RBFOX1: variants seen among roughly 807,000 people sequenced by gnomAD.
The protein encoded by RBFOX1 is RNA binding protein fox-1 homolog 1.
RBFOX1 carries 8 observed loss-of-function variants against 57.7 expected under a neutral mutation model. The observed-to-expected ratio is 0.14, with a 90% CI of 0.08 to 0.25. The LOEUF (loss-of-function observed/expected upper bound fraction) is 0.25, where lower values mean the gene tolerates loss of function less well. RBFOX1 is among the 10% of genes least tolerant of loss of function. The pLI is 1.00. For missense variants in RBFOX1, 611 were observed against 548.5 expected (o/e 1.11, Z -1.14); for synonymous variants, 326 against 222.4 (o/e 1.47, Z -4.15).
chr16:7,523,126 T>C (rs987048982), intron 5 of RBFOX1, among the ~76,000 whole-genome samples: 1 of 152,244 alleles, frequency 6.6e-6, no homozygotes, highest in East Asian at 1.9e-4. Flanking sequence ...TTACTCAGTA[T>C]CATTATTTTT....
At chr16:5,709,843 ATTTTTTTTTTTTTTTTTTTT>A (rs35733374) in intron 3 of RBFOX1, among the ~76,000 whole-genome samples, 90 of 12,264 alleles carry the variant, frequency 7.3e-3, no homozygotes, top group East Asian at 0.021. Flanking sequence ...ATATATATAT[ATTTTTTTTTTTTTTTTTTTT>A]TTTTTTTTTT....
At chr16:6,507,962 C>T (rs150641650) in intron 2 of RBFOX1, among the ~76,000 whole-genome samples, 1,581 of 152,132 alleles carry the variant, frequency 0.01, 20 homozygotes, top group African/African-American at 0.027. Flanking sequence ...TGGAATCAAC[C>T]TAAATGCCCA....
At chr16:6,922,943 A>C (rs774387131) in intron 3 of RBFOX1, among the ~76,000 whole-genome samples, 3 of 152,190 alleles carry the variant, frequency 2.0e-5, no homozygotes, top group Non-Finnish European at 2.9e-5. Flanking sequence ...GATAATGACC[A>C]ACCAGAACAT....
intron 1 of RBFOX1, among the ~76,000 whole-genome samples, chr16:6,026,918 T>C (rs2095207625): frequency 6.6e-6 from 1 of 152,222 alleles, no homozygotes; most frequent in Non-Finnish European, 1.5e-5. Context: ...CAAAATGTGG[T>C]GTGCAAACCA....
At chr16:5,276,366 A>G (rs1466458423) in intron 1 of RBFOX1, among the ~76,000 whole-genome samples, 1 of 152,210 alleles carries the variant, frequency 6.6e-6, no homozygotes, top group East Asian at 1.9e-4. Flanking sequence ...TGTGCCAAGG[A>G]CATGAATAGG....
chr16:7,119,623 A>G (rs1049991052), intron 4 of RBFOX1, among the ~76,000 whole-genome samples: 1 of 152,114 alleles, frequency 6.6e-6, no homozygotes, highest in Non-Finnish European at 1.5e-5. Context: ...AGGACATTAT[A>G]TAAGGATAAG....
At chr16:5,921,880 G>A (rs1416723392) in intron 4 of RBFOX1, among the ~76,000 whole-genome samples, 1 of 152,022 alleles carries the variant, frequency 6.6e-6, no homozygotes, top group Admixed American at 6.6e-5. Context: ...GGCCAGGTGT[G>A]GTGGCTTAGG....
intron 3 of RBFOX1, among the ~76,000 whole-genome samples, chr16:6,969,994 C>T (rs564526305): frequency 6.6e-6 from 1 of 151,862 alleles, no homozygotes; most frequent in Non-Finnish European, 1.5e-5. Flanking sequence ...TCCTTACAAG[C>T]CTGGGCAGCA....
intron 1 of RBFOX1, among the ~76,000 whole-genome samples, chr16:6,073,855 A>T (rs960655774): frequency 1.3e-5 from 2 of 152,178 alleles, no homozygotes; most frequent in Non-Finnish European, 2.9e-5. Flanking sequence ...GCAAGGTTAA[A>T]TGAAATAGAA....
At chr16:5,304,417 T>A (rs1023966895) in intron 1 of RBFOX1, among the ~76,000 whole-genome samples, 6 of 152,216 alleles carry the variant, frequency 3.9e-5, no homozygotes, top group African/African-American at 1.4e-4. Context: ...TTCCTCCTAC[T>A]TTTTGAACCT....
chr16:6,718,330 T>C (rs1009993798), intron 3 of RBFOX1, among the ~76,000 whole-genome samples: 20 of 152,338 alleles, frequency 1.3e-4, no homozygotes, highest in African/African-American at 4.3e-4. Context: ...GTAAATACAC[T>C]ACAACTTGTA....
At chr16:6,337,187 T>C (rs1206908415) in intron 2 of RBFOX1, among the ~76,000 whole-genome samples, 1 of 152,192 alleles carries the variant, frequency 6.6e-6, no homozygotes, top group African/African-American at 2.4e-5. Context: ...CCATGTGGCA[T>C]GTTGATTCCC....
At chr16:6,444,815 C>T (rs1268183938) in intron 2 of RBFOX1, among the ~76,000 whole-genome samples, 1 of 152,084 alleles carries the variant, frequency 6.6e-6, no homozygotes, top group Non-Finnish European at 1.5e-5. Context: ...GGGTAAAATG[C>T]AGAGATGACC....
chr16:6,134,872 T>C (rs924751629), intron 1 of RBFOX1, among the ~76,000 whole-genome samples: 3 of 151,964 alleles, frequency 2.0e-5, no homozygotes, highest in Admixed American at 6.6e-5. Context: ...TACTTTAAGT[T>C]CTAGGGTACA....
intron 4 of RBFOX1, among the ~76,000 whole-genome samples, chr16:7,123,490 G>C (rs2067682734): frequency 6.6e-6 from 1 of 151,940 alleles, no homozygotes; most frequent in East Asian, 1.9e-4. Flanking sequence ...TTAGCTTCCT[G>C]AGTAGCTGAG....
chr16:7,109,504 C>T (rs908778049), intron 4 of RBFOX1, among the ~76,000 whole-genome samples: 1 of 152,024 alleles, frequency 6.6e-6, no homozygotes, highest in Non-Finnish European at 1.5e-5. Context: ...CCTTGTGATC[C>T]AGGTGAGTGA....
At chr16:7,630,005 C>G (rs1174118677) in intron 10 of RBFOX1, among the ~76,000 whole-genome samples, 1 of 152,192 alleles carries the variant, frequency 6.6e-6, no homozygotes, top group East Asian at 1.9e-4. Flanking sequence ...TGTTCTTCCT[C>G]TGAAGAACTG....
In RBFOX1 at chr16:7,629,446, A is replaced by G. The variant is rs527808236; in HGVS notation, c.677-1157A>G. Among the ~76,000 whole-genome samples the G allele has an allele frequency of 5.3e-5, 8 of 152,196 alleles. 1 individual carries two copies. In the South Asian group the frequency reaches 1.7e-3, roughly 32 times the overall value. ...TAAGGTTGGCTTCTTATCATGGGAG[A>G]TTGCTTTCCCGTTGCGGTCCTGACA... On this transcript the variant is annotated intron_variant, in intron 10 of 15. Transcript: ENST00000550418.
intron 3 of RBFOX1, among the ~76,000 whole-genome samples, chr16:5,740,938 T>A (rs1039444031): frequency 6.6e-5 from 10 of 151,744 alleles, no homozygotes; most frequent in African/African-American, 2.4e-4. Context: ...AGGACTGGAG[T>A]CATGATGAGT....
Sources: gnomAD v4.1 joint callset for allele counts (sites outside exome capture counted in the v4.1 genomes callset) on GRCh38, gnomAD v4.1.1 for gene constraint, MANE v1.5 for transcripts, NCBI Gene and HGNC (gene_info 2026-07-23, HGNC 2026-07-21) for gene names.